Variants in KIAA0319L observed in about 807,000 individuals in gnomAD.
KIAA0319L encodes the protein dyslexia-associated protein KIAA0319-like protein.
Under a neutral mutation model 120.1 loss-of-function variants are expected in KIAA0319L, and 55 were observed. The observed-to-expected ratio is 0.46, with a 90% CI of 0.37 to 0.57. The LOEUF (loss-of-function observed/expected upper bound fraction) is 0.57. Among genes scored for constraint, KIAA0319L ranks in the 20% least tolerant of loss-of-function variants. The probability of loss-of-function intolerance (pLI) is 0.00; values close to 1 mark genes in which losing one functional copy is unlikely to be tolerated. For synonymous variants in KIAA0319L, 398 were observed against 471.9 expected, an observed-to-expected ratio of 0.84 and a Z score of 2.03; for missense variants, 1,049 against 1,255.3, an observed-to-expected ratio of 0.84 and a Z score of 2.48.
intron 2 of KIAA0319L, among the ~76,000 whole-genome samples, chr1:35,546,683 C>T (rs1468190682): frequency 1.3e-5 from 2 of 152,202 alleles, no homozygotes; most frequent in Non-Finnish European, 2.9e-5. Flanking sequence ...TCCTTGTCTC[C>T]AACTGTGTCA....
At chr1:35,492,444 G>A (rs922991307) in intron 3 of KIAA0319L, among the ~76,000 whole-genome samples, 17 of 152,168 alleles carry the variant, frequency 1.1e-4, no homozygotes, top group African/African-American at 3.9e-4. Context: ...AACCCAGGAG[G>A]TGGAGGTTGC....
At position 35,441,032 on chromosome 1, in the gene KIAA0319L, A is replaced by AC. The variant is rs1641172948; in HGVS notation, c.2962+14dup. ...AGTGCACAGACCTAGAAGCTCTGGCACCCAGGGCCCCTACCTGCTCGGGAG... is the reference window on the plus strand; with the variant it reads ...AGTGCACAGACCTAGAAGCTCTGGCACCCCAGGGCCCCTACCTGCTCGGGAG... On this transcript the variant is annotated intron_variant, in intron 20 of 20. Coordinates refer to ENST00000325722, the MANE Select transcript of KIAA0319L (RefSeq NM_024874.5). 1 of 1,610,036 alleles carries AC rather than the reference A, an allele frequency of 6.2e-7. No individual in the cohort carries two copies. Among genetic ancestry groups the AC allele is most frequent in the Non-Finnish European group, 8.5e-7 (1 of 1,176,272 alleles).
At chr1:35,450,306 GCTC>G in intron 14 of KIAA0319L, 49 bp downstream of exon 14, 4 of 1,558,746 alleles carry the variant, frequency 2.6e-6, no homozygotes, top group Non-Finnish European at 3.5e-6. Context: ...GGAACGCGTG[GCTC>G]CTCCTCCTCC....
chr1:35,457,278 C>A (rs569824586), intron 9 of KIAA0319L, among the ~76,000 whole-genome samples: 1 of 152,034 alleles, frequency 6.6e-6, no homozygotes, highest in South Asian at 2.1e-4. Flanking sequence ...TCCCTATTCC[C>A]GATTCCCTAC....
chr1:35,543,708 C>T (rs975721653), intron 2 of KIAA0319L, among the ~76,000 whole-genome samples: 1 of 152,078 alleles, frequency 6.6e-6, no homozygotes, highest in African/African-American at 2.4e-5. Flanking sequence ...GGAATACAGG[C>T]AGGTATGAGA....
chr1:35,532,928 G>C (rs1056640799), intron 2 of KIAA0319L, among the ~76,000 whole-genome samples: 60 of 152,236 alleles, frequency 3.9e-4, no homozygotes, highest in African/African-American at 1.3e-3. Flanking sequence ...GTATTACCTG[G>C]AGGATCCCCA....
intron 15 of KIAA0319L, among the ~76,000 whole-genome samples, chr1:35,449,102 T>G (rs1157122414): frequency 6.6e-6 from 1 of 152,174 alleles, no homozygotes. Context: ...CCAAAGAGAT[T>G]TTATAGTGTC....
At chr1:35,441,220 C>T in intron 19 of KIAA0319L, 82 bp from the exon 20 acceptor site, 2 of 1,274,242 alleles carry the variant, frequency 1.6e-6, no homozygotes, top group Non-Finnish European at 2.3e-6. Context: ...GCATGCAGGG[C>T]CCTATTTTGG....
At chr1:35,551,434 C>T (rs1202484172) in intron 2 of KIAA0319L, among the ~76,000 whole-genome samples, 1 of 152,176 alleles carries the variant, frequency 6.6e-6, no homozygotes, top group East Asian at 1.9e-4. Flanking sequence ...TCTCCTGCCT[C>T]AGCCTCCTGA....
At chr1:35,518,999 G>C (rs1293371867) in intron 2 of KIAA0319L, among the ~76,000 whole-genome samples, 2 of 149,996 alleles carry the variant, frequency 1.3e-5, no homozygotes, top group East Asian at 1.9e-4. Flanking sequence ...AAAAAAAAAG[G>C]CTTCCTTGCT....
In KIAA0319L at chr1:35,527,331, A is replaced by G. The variant is rs545753350; in HGVS notation, c.143-20196T>C. ...TTCTGCATCTATGTTCACTGGGGATATTGACCTGTAGTTTTCTTTTTTTGT... is the reference window on the plus strand; with the variant it reads ...TTCTGCATCTATGTTCACTGGGGATGTTGACCTGTAGTTTTCTTTTTTTGT... On this transcript the variant is annotated intron_variant, in intron 2 of 20. Coordinates refer to ENST00000325722, the MANE Select transcript of KIAA0319L (RefSeq NM_024874.5). Among the ~76,000 whole-genome samples, 16 of 152,236 alleles carry G rather than the reference A, an allele frequency of 1.1e-4. No individual in the cohort carries two copies. The South Asian group carries it at 2.7e-3, about 26-fold the overall frequency.
Position 35,434,594 on chromosome 1 carries a change from C to T in KIAA0319L, c.*300G>A. On this transcript the variant is annotated 3_prime_UTR_variant, in exon 21 of 21. Transcript: ENST00000325722. ...CACTGTCCACTGGGGAGCTGCAGAG[C>T]TTAGCAGCTGGCTGGGTCTGCCCTC... is the stretch of plus-strand genomic sequence containing the variant. 1 of 373,760 alleles carries T rather than the reference C, an allele frequency of 2.7e-6. No homozygotes were observed. Among genetic ancestry groups the T allele is most frequent in the Non-Finnish European group, 4.9e-6 (1 of 204,824 alleles). 23.2% of individuals were successfully genotyped at this position (373,760 alleles called of 1,614,324 possible). A position where few individuals can be genotyped will look rare whatever the true frequency, so the allele number is the denominator to read the frequency against.
chr1:35,497,327 T>A (rs982608330), intron 3 of KIAA0319L, among the ~76,000 whole-genome samples: 8 of 152,196 alleles, frequency 5.3e-5, no homozygotes, highest in African/African-American at 1.7e-4. Flanking sequence ...ATTGTATGCT[T>A]AAAAGGAATG....
chr1:35,518,363 TACC>T (rs767812516), intron 2 of KIAA0319L, among the ~76,000 whole-genome samples: 5 of 152,168 alleles, frequency 3.3e-5, no homozygotes, highest in Non-Finnish European at 7.3e-5. Context: ...GGTACATATA[TACC>T]ACGGAATACT....
At position 35,529,979 on chromosome 1, in the gene KIAA0319L, AT is replaced by A. The variant is rs559810240; in HGVS notation, c.143-22845del. Among the ~76,000 whole-genome samples the A allele has an allele frequency of 9.6e-5, 14 of 145,078 alleles. No homozygotes were observed. In the East Asian group the frequency reaches 1.8e-3, roughly 19 times the overall value. On this transcript the variant is annotated intron_variant, in intron 2 of 20. Coordinates refer to ENST00000325722, the MANE Select transcript of KIAA0319L (RefSeq NM_024874.5). ...ACTTTATGGTATCCTATATGTCACA[AT>A]GCCTTTTTTTTTTTTTTTAATCTAA... is the stretch of plus-strand genomic sequence containing the variant.
intron 2 of KIAA0319L, among the ~76,000 whole-genome samples, chr1:35,534,961 G>GT (rs772535687): frequency 1.3e-5 from 2 of 151,278 alleles, no homozygotes; most frequent in Non-Finnish European, 2.9e-5. Flanking sequence ...GCCAGCTGTG[G>GT]TGGCGCATGC....
rs1288881659 is a variant in KIAA0319L, at chr1:35,470,022, C to T, written c.1113+841G>A. 2.0e-5 allele frequency among the ~76,000 whole-genome samples: 3 copies of T among 152,112 alleles called. No homozygotes were observed. In the East Asian group the frequency reaches 5.9e-4, roughly 30 times the overall value. ...CGGCTGGGACTACAGGTATGAACCACCACACCCAGCTAATTTTTAATTTTT... is the reference window on the plus strand; with the variant it reads ...CGGCTGGGACTACAGGTATGAACCATCACACCCAGCTAATTTTTAATTTTT... On this transcript the variant is annotated intron_variant, in intron 6 of 20. Transcript: ENST00000325722.
At chr1:35,445,620 A>G (rs143989279) in intron 16 of KIAA0319L, among the ~76,000 whole-genome samples, 2 of 152,344 alleles carry the variant, frequency 1.3e-5, no homozygotes, top group African/African-American at 2.4e-5. Context: ...CCTCATAACA[A>G]TCCTATAAAT....
chr1:35,504,172 T>C (rs1570863691), intron 3 of KIAA0319L, among the ~76,000 whole-genome samples: 1 of 150,372 alleles, frequency 6.7e-6, no homozygotes, highest in East Asian at 2.0e-4. Flanking sequence ...AGGCATAAGC[T>C]GCCGTGCCCA....
Sources: gnomAD v4.1 joint callset for allele counts (sites outside exome capture counted in the v4.1 genomes callset) on GRCh38, gnomAD v4.1.1 for gene constraint, MANE v1.5 for transcripts, NCBI Gene and HGNC (gene_info 2026-07-23, HGNC 2026-07-21) for gene names.